Variants in PTPRD observed in about 807,000 individuals in gnomAD.
PTPRD encodes protein tyrosine phosphatase receptor type D.
A neutral mutation model predicts 214.5 loss-of-function variants in PTPRD; 34 were observed. The ratio of observed to expected loss-of-function variants is 0.16; its 90% CI spans 0.12 to 0.21. The LOEUF (loss-of-function observed/expected upper bound fraction) is 0.21. Among genes scored for constraint, PTPRD ranks in the 10% least tolerant of loss-of-function variants. The pLI is 1.00. For synonymous variants in PTPRD, 1,128 were observed against 845.7 expected (o/e 1.33, Z -5.79); for missense variants, 2,545 against 2,398.7 (o/e 1.06, Z -1.27).
chr9:9,230,251 C>A (rs1408239234), intron 9 of PTPRD, among the ~76,000 whole-genome samples: 1 of 151,974 alleles, frequency 6.6e-6, no homozygotes, highest in Admixed American at 6.6e-5. Flanking sequence ...TAGAATGATT[C>A]TAAAGAGGAG....
chr9:9,172,014 G>C (rs760652177), intron 10 of PTPRD, among the ~76,000 whole-genome samples: 5 of 152,060 alleles, frequency 3.3e-5, no homozygotes, highest in Admixed American at 6.6e-5. Flanking sequence ...GTAATCTGTT[G>C]AGTAGTTAGT....
chr9:10,286,260 G>A (rs2095349583), intron 3 of PTPRD, among the ~76,000 whole-genome samples: 1 of 151,910 alleles, frequency 6.6e-6, no homozygotes, highest in South Asian at 2.1e-4. Context: ...GTGCAACATA[G>A]CAAAACCCCG....
At chr9:8,747,201 C>A (rs987261268) in intron 11 of PTPRD, among the ~76,000 whole-genome samples, 1 of 151,898 alleles carries the variant, frequency 6.6e-6, no homozygotes. Context: ...ATTTATATTG[C>A]CTTGTTTAAA....
At chr9:10,597,872 A>T (rs1354439209) in intron 2 of PTPRD, among the ~76,000 whole-genome samples, 1 of 151,844 alleles carries the variant, frequency 6.6e-6, no homozygotes, top group Non-Finnish European at 1.5e-5. Context: ...TCCATTGAAC[A>T]TTGAGTCTTT....
chr9:8,856,899 C>T (rs1261078428), intron 11 of PTPRD, among the ~76,000 whole-genome samples: 1 of 152,198 alleles, frequency 6.6e-6, no homozygotes. Flanking sequence ...TGCAAGTTTT[C>T]TACACACCCA....
intron 8 of PTPRD, among the ~76,000 whole-genome samples, chr9:9,500,435 T>C (rs2096370885): frequency 6.6e-6 from 1 of 152,090 alleles, no homozygotes; most frequent in Non-Finnish European, 1.5e-5. Context: ...TACAGGAAGG[T>C]ACAGCTAAAG....
chr9:9,550,963 A>G (rs1407768587), intron 8 of PTPRD, among the ~76,000 whole-genome samples: 1 of 151,966 alleles, frequency 6.6e-6, no homozygotes, highest in East Asian at 1.9e-4. Context: ...GCAAGTAGAG[A>G]AACTGTATCA....
At chr9:10,536,302 G>C (rs894392005) in intron 2 of PTPRD, among the ~76,000 whole-genome samples, 1 of 152,094 alleles carries the variant, frequency 6.6e-6, no homozygotes, top group Non-Finnish European at 1.5e-5. Flanking sequence ...GGGATTCAGA[G>C]AAATTCTCTT....
chr9:9,549,241 C>CAT (rs1181012054), intron 8 of PTPRD, among the ~76,000 whole-genome samples: 1 of 151,166 alleles, frequency 6.6e-6, no homozygotes, highest in African/African-American at 2.4e-5. Flanking sequence ...GAAAATTATA[C>CAT]ATATATATGT....
intron 5 of PTPRD, among the ~76,000 whole-genome samples, chr9:9,793,921 T>C (rs2153479947): frequency 6.6e-6 from 1 of 152,146 alleles, no homozygotes; most frequent in African/African-American, 2.4e-5. Flanking sequence ...TTCAACCCAC[T>C]ACTTCCTAAA....
intron 30 of PTPRD, among the ~76,000 whole-genome samples, chr9:8,480,090 G>C (rs1353751475): frequency 6.6e-6 from 1 of 152,098 alleles, no homozygotes; most frequent in Non-Finnish European, 1.5e-5. Flanking sequence ...CTTAATCTCA[G>C]TCATCTTTCT....
chr9:10,289,604 G>A (rs1377137331), intron 3 of PTPRD, among the ~76,000 whole-genome samples: 1 of 151,950 alleles, frequency 6.6e-6, no homozygotes, highest in Non-Finnish European at 1.5e-5. Flanking sequence ...TCTTTAATTA[G>A]GAAAAAGAAG....
At chr9:9,915,999 C>A (rs967244402) in intron 5 of PTPRD, among the ~76,000 whole-genome samples, 2 of 151,538 alleles carry the variant, frequency 1.3e-5, no homozygotes, top group Admixed American at 6.6e-5. Flanking sequence ...AAGGGAATTT[C>A]CACTAGATTA....
intron 37 of PTPRD, among the ~76,000 whole-genome samples, chr9:8,387,976 C>T (rs1054647727): frequency 1.3e-5 from 2 of 152,146 alleles, no homozygotes; most frequent in African/African-American, 4.8e-5. Context: ...TAAAGTATGG[C>T]AGATATTTGT....
chr9:10,270,673 T>TA (rs552128926), intron 3 of PTPRD, among the ~76,000 whole-genome samples: 4 of 152,176 alleles, frequency 2.6e-5, no homozygotes, highest in Admixed American at 1.3e-4. Flanking sequence ...TTCTTCAGCA[T>TA]AAAAAATTGT....
chr9:9,772,272 C>T (rs1187318829), intron 5 of PTPRD, among the ~76,000 whole-genome samples: 2 of 152,034 alleles, frequency 1.3e-5, no homozygotes, highest in African/African-American at 4.8e-5. Context: ...AGAAATTAAC[C>T]TTGCTGATAG....
rs145598613 is a variant in PTPRD, at chr9:10,382,181, C to T, written c.-599-41164G>A. Among the ~76,000 whole-genome samples the T allele has an allele frequency of 4.3e-4, 66 of 151,984 alleles. No individual in the cohort carries two copies. The East Asian group carries it at 0.01, about 23-fold the overall frequency. On this transcript the variant is annotated intron_variant, in intron 2 of 45. Coordinates refer to ENST00000381196, the MANE Select transcript of PTPRD (RefSeq NM_002839.4). Reference sequence around the variant, plus strand: ...TGATGCCAAACTGATCTTTCTAATACGTAATAGCTGACTCTGTCATTTAAT... The same window carrying T: ...TGATGCCAAACTGATCTTTCTAATATGTAATAGCTGACTCTGTCATTTAAT...
At chr9:8,928,231 C>T (rs5943474) in intron 11 of PTPRD, among the ~76,000 whole-genome samples, 95,801 of 152,010 alleles carry the variant, frequency 0.63, 30,612 homozygotes, top group East Asian at 0.91. Context: ...TCAATTATGG[C>T]TTTTGTTGCC....
chr9:10,564,395 T>C (rs1300488292), intron 2 of PTPRD, among the ~76,000 whole-genome samples: 4 of 151,188 alleles, frequency 2.6e-5, no homozygotes, highest in Non-Finnish European at 4.4e-5. Flanking sequence ...TGACTTCTTT[T>C]AAATTTTGGC....
Sources: gnomAD v4.1 joint callset for allele counts (sites outside exome capture counted in the v4.1 genomes callset) on GRCh38, gnomAD v4.1.1 for gene constraint, MANE v1.5 for transcripts, NCBI Gene and HGNC (gene_info 2026-07-23, HGNC 2026-07-21) for gene names.